MICAL2: variants seen among roughly 807,000 people sequenced by gnomAD.
MICAL2 encodes the protein microtubule associated monooxygenase, calponin and LIM domain containing 2, also known as [F-actin]-monooxygenase MICAL2.
MICAL2 carries 77 observed loss-of-function variants against 127.3 expected under a neutral mutation model. The observed-to-expected ratio is 0.60, with a 90% CI of 0.50 to 0.73. The LOEUF (loss-of-function observed/expected upper bound fraction) is 0.73. Among genes scored for constraint, MICAL2 ranks in the 30% least tolerant of loss-of-function variants. The probability of loss-of-function intolerance (pLI) is 0.00; values close to 1 mark genes in which losing one functional copy is unlikely to be tolerated. For missense variants in MICAL2, 1,351 were observed against 1,434.4 expected (o/e 0.94, Z 0.94); for synonymous variants, 570 against 551.1 (o/e 1.03, Z -0.48).
At chr11:12,226,097 C>T in intron 13 of MICAL2, 74 bp from the exon 14 acceptor site, 1 of 1,443,854 alleles carries the variant, frequency 6.9e-7, no homozygotes, top group Non-Finnish European at 9.7e-7. Flanking sequence ...TGCTCCTTAC[C>T]ACCTGAAGGT....
chr11:12,300,092 CA>C (rs1175937333), intron 29 of MICAL2, among the ~76,000 whole-genome samples: 1 of 151,962 alleles, frequency 6.6e-6, no homozygotes, highest in Non-Finnish European at 1.5e-5. Flanking sequence ...GTCAGGAATT[CA>C]AAACCAGCCT....
chr11:12,357,250 C>G (rs1292001689), intron 34 of MICAL2, among the ~76,000 whole-genome samples: 4 of 152,214 alleles, frequency 2.6e-5, no homozygotes, highest in African/African-American at 9.6e-5. Flanking sequence ...TTTAGAAAGT[C>G]TTCTCCCAAG....
chr11:12,297,355 C>T (rs1039107371), intron 29 of MICAL2, among the ~76,000 whole-genome samples: 29 of 152,018 alleles, frequency 1.9e-4, no homozygotes, highest in Non-Finnish European at 3.8e-4. Flanking sequence ...GTCCTTTGTC[C>T]AGTTTTCTAT....
At chr11:12,327,102 G>A in intron 31 of MICAL2, 2 of 1,346,154 alleles carry the variant, frequency 1.5e-6, no homozygotes, top group Non-Finnish European at 2.1e-6. Flanking sequence ...TGGAAAGTAA[G>A]TGGCAGAATC....
intron 1 of MICAL2, among the ~76,000 whole-genome samples, chr11:12,111,952 T>G (rs987701374): frequency 3.3e-5 from 5 of 152,236 alleles, no homozygotes; most frequent in Non-Finnish European, 7.3e-5. Context: ...ACTTTCTTCA[T>G]GCAGAGAGAA....
rs1456624451 is a variant in MICAL2 at position 12,162,290 on chromosome 11, C to T, written c.135C>T (p.Asp45=). ...GACACCTGGACCTAGACCCTCTGGACCACAGAAACTTTTATTCCAAGCTCA... is the reference window on the plus strand; with the variant it reads ...GACACCTGGACCTAGACCCTCTGGATCACAGAAACTTTTATTCCAAGCTCA... ...LTRHLDLDPL[D]HRNFYSKLKS... The change falls in exon 3 of 28, where the codon GAC becomes GAT. Residue 45 remains aspartate (D), a synonymous_variant. Transcript: ENST00000683283. The T allele has an allele frequency of 6.2e-7, 1 of 1,614,228 alleles. No individual in the cohort carries two copies. Among genetic ancestry groups the T allele is most frequent in the South Asian group, 1.1e-5 (1 of 91,086 alleles).
At chr11:12,319,441 T>C (rs1565304079) in intron 29 of MICAL2, among the ~76,000 whole-genome samples, 1 of 24,892 alleles carries the variant, frequency 4.0e-5, no homozygotes, top group African/African-American at 1.4e-4. Context: ...AATACCTTGG[T>C]TTTTTCTTTT....
intron 16 of MICAL2, among the ~76,000 whole-genome samples, chr11:12,238,443 G>T (rs1243600241): frequency 1.3e-5 from 2 of 152,206 alleles, no homozygotes; most frequent in African/African-American, 4.8e-5. Flanking sequence ...ATATCATGCA[G>T]CCCGCTGTAC....
At chr11:12,361,895 G>A (rs528184509), downstream of MICAL2, among the ~76,000 whole-genome samples, 98 of 152,324 alleles carry the variant, frequency 6.4e-4, no homozygotes, top group African/African-American at 2.3e-3. Flanking sequence ...AACAGAGAGG[G>A]GCAGTCATTG....
intron 15 of MICAL2, among the ~76,000 whole-genome samples, chr11:12,233,816 G>A (rs895329707): frequency 6.6e-6 from 1 of 152,100 alleles, no homozygotes; most frequent in African/African-American, 2.4e-5. Flanking sequence ...AGTGAAACAG[G>A]GTCCAAGGAA....
At chr11:12,138,216 G>A (rs1021795837) in intron 1 of MICAL2, among the ~76,000 whole-genome samples, 174 bp from the exon 2 acceptor site, 3 of 113,070 alleles carry the variant, frequency 2.7e-5, no homozygotes, top group Non-Finnish European at 3.8e-5. Context: ...CTTTCTTCAC[G>A]TGCAAAACTT....
intron 2 of MICAL2, among the ~76,000 whole-genome samples, chr11:12,282,639 A>G (rs1863784534): frequency 1.3e-5 from 2 of 152,362 alleles, no homozygotes; most frequent in South Asian, 4.2e-4. Context: ...TCTAGCTTCC[A>G]GCATTTAAAA....
chr11:12,226,892 G>A (rs1035371522), intron 14 of MICAL2, 133 bp from the exon 15 acceptor site: 1 of 677,912 alleles, frequency 1.5e-6, no homozygotes, highest in African/African-American at 1.8e-5. Context: ...CTGACCTCGT[G>A]ATCCACCTGT....
chr11:12,294,900 G>A (rs1362904733), downstream of MICAL2: 1 of 1,421,458 alleles, frequency 7.0e-7, no homozygotes, highest in Non-Finnish European at 9.1e-7. Flanking sequence ...TTCATGCTGG[G>A]CAGTTAGTAA....
chr11:12,294,489 C>A (rs745309363), downstream of MICAL2: 1 of 1,614,198 alleles, frequency 6.2e-7, no homozygotes, highest in Non-Finnish European at 8.5e-7. Context: ...AATCGGCCAT[C>A]CAAGGTCTTT....
At chr11:12,120,010 C>G (rs1270196695) in intron 1 of MICAL2, among the ~76,000 whole-genome samples, 1 of 152,214 alleles carries the variant, frequency 6.6e-6, no homozygotes, top group African/African-American at 2.4e-5. Flanking sequence ...GCTGTGCTTA[C>G]AGTTGGCTGC....
intron 2 of MICAL2, among the ~76,000 whole-genome samples, chr11:12,148,941 A>G (rs1853268297): frequency 6.6e-6 from 1 of 152,156 alleles, no homozygotes; most frequent in African/African-American, 2.4e-5. Flanking sequence ...TACCCATTTT[A>G]TGGATGAAGA....
intron 29 of MICAL2, among the ~76,000 whole-genome samples, chr11:12,314,791 A>G (rs1864215701): frequency 6.6e-6 from 1 of 151,624 alleles, no homozygotes; most frequent in Non-Finnish European, 1.5e-5. Context: ...CGGCCAGAAA[A>G]CTTTAAACTC....
intron 2 of MICAL2, chr11:12,286,960 T>A (rs1863834381): frequency 2.5e-6 from 1 of 394,936 alleles, no homozygotes; most frequent in Non-Finnish European, 4.5e-6. Flanking sequence ...GAGAGTTCAG[T>A]CTATTATAAT....
Sources: allele counts gnomAD v4.1 joint callset (sites outside exome capture counted in the v4.1 genomes callset), GRCh38; gene constraint gnomAD v4.1.1; transcripts MANE v1.5; gene names NCBI Gene and HGNC (gene_info 2026-07-23, HGNC 2026-07-21).